MYO18B: variants seen among roughly 807,000 people sequenced by gnomAD.
MYO18B encodes the protein unconventional myosin-XVIIIb.
A neutral mutation model predicts 273.0 loss-of-function variants in MYO18B; 204 were observed. The ratio of observed to expected loss-of-function variants is 0.75; its 90% CI spans 0.67 to 0.84. MYO18B has a LOEUF of 0.84. Ranked by LOEUF, MYO18B falls within the 40% of genes least tolerant of loss-of-function variation. The probability of loss-of-function intolerance (pLI) is 0.00; values close to 1 mark genes in which losing one functional copy is unlikely to be tolerated. For synonymous variants in MYO18B, 1,330 were observed against 1,305.7 expected, an observed-to-expected ratio of 1.02 and a Z score of -0.40; for missense variants, 3,212 against 3,287.6, an observed-to-expected ratio of 0.98 and a Z score of 0.56.
chr22:25,780,881 G>T (rs183054299), intron 9 of MYO18B, among the ~76,000 whole-genome samples: 2 of 152,140 alleles, frequency 1.3e-5, no homozygotes, highest in Non-Finnish European at 2.9e-5. Context: ...GCAGCAGTCC[G>T]CGTGTGACGA....
At chr22:25,942,269 T>A (rs1295364646) in intron 34 of MYO18B, among the ~76,000 whole-genome samples, 3 of 152,212 alleles carry the variant, frequency 2.0e-5, no homozygotes, top group African/African-American at 7.2e-5. Flanking sequence ...GTTTCCTTCC[T>A]CTGTCCTTCG....
intron 11 of MYO18B, among the ~76,000 whole-genome samples, chr22:25,791,351 C>T (rs1322845593): frequency 1.3e-5 from 2 of 152,168 alleles, no homozygotes; most frequent in African/African-American, 4.8e-5. Flanking sequence ...CATGAATGGC[C>T]AGCCAAAGCA....
chr22:25,891,188 G>A, intron 26 of MYO18B, 116 bp from the exon 27 acceptor site: 2 of 788,304 alleles, frequency 2.5e-6, no homozygotes, highest in Non-Finnish European at 2.0e-6. Flanking sequence ...GATTCTGCAT[G>A]GCTCAGGGCT....
At chr22:25,986,441 A>G (rs1334426929) in intron 39 of MYO18B, among the ~76,000 whole-genome samples, 1 of 152,178 alleles carries the variant, frequency 6.6e-6, no homozygotes, top group Non-Finnish European at 1.5e-5. Context: ...CATTGCTACC[A>G]CTTTGTTGCA....
the MYO18B span, among the ~76,000 whole-genome samples, chr22:26,063,133 A>G: frequency 6.6e-6 from 1 of 152,176 alleles, no homozygotes; most frequent in East Asian, 1.9e-4. Context: ...CCAGCCCTGG[A>G]ATGATTTACT....
At chr22:25,847,340 G>T (rs2146021604) in intron 19 of MYO18B, 90 bp from the exon 20 acceptor site, 1 of 1,221,616 alleles carries the variant, frequency 8.2e-7, no homozygotes, top group Non-Finnish European at 1.2e-6. Context: ...AGATGCTCAG[G>T]TTGGGCTTAA....
At position 25,846,179 on chromosome 22, in the gene MYO18B, T is replaced by C. The variant is rs771545867; in HGVS notation, c.3448T>C (p.Ser1150Pro). The C allele has an allele frequency of 1.2e-6, 2 of 1,611,736 alleles. No homozygotes were observed. The highest frequency in any genetic ancestry group is 1.1e-5 in the South Asian group (1 of 90,738). ...CRAVAGLEGT[S>P]QQALQRSRMV... ...GGCTGTGGCAGGCCTGGAGGGCACC[T>C]CCCAGCAGGCCCTGCAGAGGAGCCG... is the stretch of plus-strand genomic sequence containing the variant. The change falls in exon 19 of 44, where the codon TCC becomes CCC. Residue 1150 changes from serine to proline, a missense_variant. Physicochemically the swap from Ser to Pro is moderately conservative, Grantham distance 74. Transcript: ENST00000335473.
chr22:25,992,158 T>C (rs1472245569), intron 39 of MYO18B, among the ~76,000 whole-genome samples: 1 of 152,180 alleles, frequency 6.6e-6, no homozygotes, highest in Non-Finnish European at 1.5e-5. Context: ...CTGGAGTATC[T>C]ATTCCCTCCT....
chr22:26,012,160 T>C (rs1934966620), intron 42 of MYO18B, among the ~76,000 whole-genome samples: 1 of 152,178 alleles, frequency 6.6e-6, no homozygotes, highest in Non-Finnish European at 1.5e-5. Flanking sequence ...ATTACTCTAC[T>C]ACAGACAGGA....
At position 25,831,485 on chromosome 22, in the gene MYO18B, C is replaced by A. The variant is rs150665792; in HGVS notation, c.2980-1432C>A. 3.6e-3 allele frequency among the ~76,000 whole-genome samples: 547 copies of A among 152,250 alleles called. 2 individuals are homozygous for A. The highest frequency in any genetic ancestry group is 0.012 in the African/African-American group (518 of 41,530). ...GCAACCTCTGCCTCCCGGGTTCAAG[C>A]GATTCTCTTGCCTCAGCCTCCCAAG... On this transcript the variant is annotated intron_variant, in intron 15 of 43. Coordinates refer to ENST00000335473, the MANE Select transcript of MYO18B (RefSeq NM_032608.7).
rs554773423 is a variant in MYO18B, at chr22:25,979,485, G to A, written c.6157-12878G>A. 1.1e-4 allele frequency among the ~76,000 whole-genome samples: 17 copies of A among 152,306 alleles called. No individual in the cohort carries two copies. The South Asian group carries it at 2.5e-3, about 22-fold the overall frequency. The stretch of plus-strand genomic sequence containing the variant: ...GACTCTGGGAAGTTGGGATTGGGGC[G>A]TTTGGAGTTTACCCCAGGTCAGGAT... On this transcript the variant is annotated intron_variant, in intron 39 of 43. Coordinates refer to ENST00000335473, the MANE Select transcript of MYO18B (RefSeq NM_032608.7).
intron 39 of MYO18B, among the ~76,000 whole-genome samples, chr22:25,965,835 T>C (rs2092971760): frequency 1.3e-5 from 2 of 152,228 alleles, no homozygotes; most frequent in African/African-American, 4.8e-5. Context: ...TATCAGCTCT[T>C]GCCAGCCAAT....
chr22:25,839,049 T>C (rs1445346790), intron 17 of MYO18B, among the ~76,000 whole-genome samples: 2 of 151,882 alleles, frequency 1.3e-5, no homozygotes, highest in Non-Finnish European at 2.9e-5. Flanking sequence ...TGTATACATG[T>C]GTGTGCATGT....
intron 42 of MYO18B, among the ~76,000 whole-genome samples, chr22:26,011,029 TAAG>T (rs1018120082): frequency 1.3e-5 from 2 of 150,500 alleles, no homozygotes; most frequent in Admixed American, 6.7e-5. Flanking sequence ...CTGGCCAGAG[TAAG>T]AAGGAGCATT....
intron 12 of MYO18B, among the ~76,000 whole-genome samples, chr22:25,813,664 C>T (rs2145841028): frequency 6.6e-6 from 1 of 152,352 alleles, no homozygotes; most frequent in Non-Finnish European, 1.5e-5. Flanking sequence ...GGTCCTCCTT[C>T]TCAATGCAAG....
chr22:25,780,013 C>T (rs2087068170), intron 8 of MYO18B, 43 bp from the exon 9 acceptor site: 4 of 1,525,546 alleles, frequency 2.6e-6, no homozygotes, highest in Non-Finnish European at 3.5e-6. Flanking sequence ...AGTGGCAGCA[C>T]CTGGGCCATC....
At chr22:25,789,186 T>A (rs1170291957) in intron 11 of MYO18B, among the ~76,000 whole-genome samples, 1 of 151,618 alleles carries the variant, frequency 6.6e-6, no homozygotes, top group East Asian at 1.9e-4. Context: ...TTGGGAGGGC[T>A]TAGCCTGCTC....
chr22:25,792,481 C>CTTTTTTTTTT (rs376827286), intron 11 of MYO18B, among the ~76,000 whole-genome samples: 3 of 54,402 alleles, frequency 5.5e-5, no homozygotes, highest in Non-Finnish European at 8.9e-5. Context: ...TGTGATGTTT[C>CTTTTTTTTTT]TTTTTTTTTT....
intron 3 of MYO18B, 116 bp downstream of exon 3, chr22:25,763,505 G>C (rs2086402756): frequency 8.0e-7 from 1 of 1,245,788 alleles, no homozygotes. Flanking sequence ...CTGGTTTTGA[G>C]GAATGTCCTT....
Sources: allele counts gnomAD v4.1 joint callset (sites outside exome capture counted in the v4.1 genomes callset), GRCh38; gene constraint gnomAD v4.1.1; transcripts MANE v1.5; gene names NCBI Gene and HGNC (gene_info 2026-07-23, HGNC 2026-07-21).